Variants in ZNF804B observed in about 807,000 individuals in gnomAD.
ZNF804B encodes zinc finger protein 804B.
Under a neutral mutation model 101.4 loss-of-function variants are expected in ZNF804B, and 80 were observed. The observed-to-expected ratio is 0.79, with a 90% CI of 0.66 to 0.95. The LOEUF is 0.95. Among genes scored for constraint, ZNF804B ranks in the 40% least tolerant of loss-of-function variants. The pLI, the probability that ZNF804B is intolerant of heterozygous loss-of-function variation, is 0.00. For synonymous variants in ZNF804B, 622 were observed against 558.8 expected, an observed-to-expected ratio of 1.11 and a Z score of -1.59; for missense variants, 1,673 against 1,561.9, an observed-to-expected ratio of 1.07 and a Z score of -1.20.
chr7:88,877,028 TATATATATATATATATATA>T (rs1791957370), intron 1 of ZNF804B, among the ~76,000 whole-genome samples: 1 of 36,304 alleles, frequency 2.8e-5, no homozygotes, highest in Non-Finnish European at 4.3e-5. Context: ...ATATATATAA[TATATATATATATATATATA>T]TATTTTTTTT....
chr7:89,140,209 T>C (rs1358324084), intron 1 of ZNF804B, among the ~76,000 whole-genome samples: 1 of 151,966 alleles, frequency 6.6e-6, no homozygotes, highest in African/African-American at 2.4e-5. Context: ...AACCATGCTG[T>C]AAAAAGTTGT....
chr7:89,252,767 C>T (rs978239619), intron 2 of ZNF804B, among the ~76,000 whole-genome samples: 3 of 152,154 alleles, frequency 2.0e-5, no homozygotes, highest in Admixed American at 6.6e-5. Context: ...TTATCCTAAA[C>T]GAATTAGCAC....
intron 1 of ZNF804B, among the ~76,000 whole-genome samples, chr7:89,144,095 T>C (rs1790754913): frequency 6.6e-6 from 1 of 152,040 alleles, no homozygotes; most frequent in South Asian, 2.1e-4. Flanking sequence ...ATACAGTATT[T>C]ATGAAACCTC....
At chr7:88,873,809 G>A (rs1791879598) in intron 1 of ZNF804B, among the ~76,000 whole-genome samples, 2 of 152,114 alleles carry the variant, frequency 1.3e-5, no homozygotes, top group Non-Finnish European at 2.9e-5. Flanking sequence ...TGAGGGCTCT[G>A]TTCTGTTCCA....
At chr7:89,169,743 C>T (rs1248836699) in intron 1 of ZNF804B, among the ~76,000 whole-genome samples, 1 of 152,034 alleles carries the variant, frequency 6.6e-6, no homozygotes, top group Non-Finnish European at 1.5e-5. Flanking sequence ...AAAAAATATT[C>T]AATTAACTTA....
intron 1 of ZNF804B, among the ~76,000 whole-genome samples, chr7:88,892,025 A>G (rs1211287491): frequency 1.3e-5 from 2 of 152,136 alleles, no homozygotes; most frequent in Non-Finnish European, 1.5e-5. Context: ...GCCTAAAGTT[A>G]TACAATATTT....
chr7:88,971,040 C>T (rs1793530473), intron 1 of ZNF804B, among the ~76,000 whole-genome samples: 3 of 150,586 alleles, frequency 2.0e-5, no homozygotes, highest in African/African-American at 4.9e-5. Context: ...AAAAAAACAG[C>T]CTTGCCTATT....
At chr7:88,899,570 C>CT (rs1456990399) in intron 1 of ZNF804B, among the ~76,000 whole-genome samples, 1 of 152,116 alleles carries the variant, frequency 6.6e-6, no homozygotes, top group Non-Finnish European at 1.5e-5. Context: ...CAGACTCTCC[C>CT]TTTTTTTGTC....
At chr7:89,261,086 T>G (rs1789705955) in intron 2 of ZNF804B, among the ~76,000 whole-genome samples, 1 of 152,176 alleles carries the variant, frequency 6.6e-6, no homozygotes, top group Non-Finnish European at 1.5e-5. Context: ...ACACTTCAGC[T>G]CAAGGCAATA....
At chr7:89,248,480 A>AAG (rs1363188980) in intron 2 of ZNF804B, among the ~76,000 whole-genome samples, 1 of 151,742 alleles carries the variant, frequency 6.6e-6, no homozygotes, top group Non-Finnish European at 1.5e-5. Flanking sequence ...AAAAAAGAAA[A>AAG]AAGAAAGAAA....
Position 89,335,483 on chromosome 7 carries a change from T to C in ZNF804B, c.2501T>C (p.Ile834Thr), listed in dbSNP as rs1791063079. ...ATCTATTGTGATTCTAACTCACAGA[T>C]TTCCTGTACTGGAAGCAGTAAAAAA... ...RIIYCDSNSQ[I>T]SCTGSSKKPP... is the part of the protein sequence containing the mutation. The change falls in exon 4 of 4, where the codon ATT (isoleucine) becomes ACT (threonine). Residue 834 changes from isoleucine (I) to threonine (T), a missense_variant. By Grantham distance (89) the Ile-to-Thr change is moderately conservative. Coordinates refer to ENST00000333190, the MANE Select transcript of ZNF804B (RefSeq NM_181646.5). The C allele has an allele frequency of 1.9e-6, 3 of 1,613,838 alleles. No individual in the cohort carries two copies. The highest frequency in any genetic ancestry group is 1.7e-5 in the Admixed American group (1 of 59,910).
intron 1 of ZNF804B, among the ~76,000 whole-genome samples, chr7:88,986,870 C>CTA (rs1418096243): frequency 1.3e-5 from 2 of 152,072 alleles, no homozygotes; most frequent in Admixed American, 6.6e-5. Flanking sequence ...TTGAACAAAG[C>CTA]TAAACTATTT....
At chr7:88,900,810 A>G (rs1355761367) in intron 1 of ZNF804B, among the ~76,000 whole-genome samples, 1 of 151,506 alleles carries the variant, frequency 6.6e-6, no homozygotes, top group Non-Finnish European at 1.5e-5. Context: ...TACAATGCAA[A>G]GAAGATTAGT....
intron 1 of ZNF804B, among the ~76,000 whole-genome samples, chr7:88,887,279 G>A (rs185750170): frequency 6.6e-6 from 1 of 152,284 alleles, no homozygotes; most frequent in Admixed American, 6.5e-5. Flanking sequence ...ACTTTTTAAT[G>A]GGGTTGTTTT....
chr7:88,981,918 T>C (rs1315694600), intron 1 of ZNF804B, among the ~76,000 whole-genome samples: 3 of 152,070 alleles, frequency 2.0e-5, no homozygotes, highest in African/African-American at 7.2e-5. Flanking sequence ...CTTTAGTGCC[T>C]CTTTCCTTGA....
chr7:89,208,888 T>G (rs1486618593), intron 1 of ZNF804B, among the ~76,000 whole-genome samples: 3 of 151,932 alleles, frequency 2.0e-5, no homozygotes, highest in Admixed American at 6.6e-5. Flanking sequence ...GGCAGGCCCG[T>G]GTAGTACCAG....
chr7:89,154,457 A>C (rs1038419448), intron 1 of ZNF804B, among the ~76,000 whole-genome samples: 10 of 152,190 alleles, frequency 6.6e-5, no homozygotes, highest in Non-Finnish European at 1.3e-4. Flanking sequence ...ATTTGGAAGC[A>C]ACCTGTCTCC....
At chr7:88,924,398 CTTTAG>C (rs893199356) in intron 1 of ZNF804B, among the ~76,000 whole-genome samples, 2 of 152,122 alleles carry the variant, frequency 1.3e-5, no homozygotes, top group African/African-American at 4.8e-5. Context: ...TGTTCTTATA[CTTTAG>C]TTTATACTTT....
At chr7:89,171,288 G>GCTTCTTCTC (rs1791223026) in intron 1 of ZNF804B, among the ~76,000 whole-genome samples, 1 of 82,484 alleles carries the variant, frequency 1.2e-5, no homozygotes, top group Non-Finnish European at 2.6e-5. Flanking sequence ...TGCTGCTGCT[G>GCTTCTTCTC]CTTCTTCTTC....
Sources: gnomAD v4.1 joint callset for allele counts (sites outside exome capture counted in the v4.1 genomes callset) on GRCh38, gnomAD v4.1.1 for gene constraint, MANE v1.5 for transcripts, NCBI Gene and HGNC (gene_info 2026-07-23, HGNC 2026-07-21) for gene names.